PARD3B: variants seen among roughly 807,000 people sequenced by gnomAD.
PARD3B encodes the protein partitioning defective 3 homolog B.
Under a neutral mutation model 130.2 loss-of-function variants are expected in PARD3B, and 103 were observed. That is an observed-to-expected ratio of 0.79 (90% CI 0.67 to 0.93). PARD3B has a LOEUF of 0.93. Ranked by LOEUF, PARD3B falls within the 40% of genes least tolerant of loss-of-function variation. PARD3B has a pLI of 0.00. For missense variants in PARD3B, 1,609 were observed against 1,499.2 expected, an observed-to-expected ratio of 1.07 and a Z score of -1.21; for synonymous variants, 583 against 553.2, an observed-to-expected ratio of 1.05 and a Z score of -0.76.
At chr2:205,246,025 G>C in intron 16 of PARD3B, among the ~76,000 whole-genome samples, 1 of 151,874 alleles carries the variant, frequency 6.6e-6, no homozygotes, top group African/African-American at 2.4e-5. Context: ...AGAATGTTTG[G>C]GAGGAAAGAA....
intron 3 of PARD3B, among the ~76,000 whole-genome samples, chr2:204,997,338 A>G (rs778804073): frequency 3.3e-5 from 5 of 152,192 alleles, no homozygotes; most frequent in Non-Finnish European, 7.3e-5. Flanking sequence ...TTTGGAGAGA[A>G]TTGGCATTCT....
chr2:205,139,976 A>T (rs1559477884), intron 10 of PARD3B, among the ~76,000 whole-genome samples: 1 of 152,242 alleles, frequency 6.6e-6, no homozygotes, highest in Non-Finnish European at 1.5e-5. Flanking sequence ...TACTGATCGC[A>T]TGTGAATGTC....
At chr2:204,547,714 T>C (rs1177332847) in intron 1 of PARD3B, among the ~76,000 whole-genome samples, 1 of 152,216 alleles carries the variant, frequency 6.6e-6, no homozygotes, top group African/African-American at 2.4e-5. Context: ...TATTAAATAA[T>C]TTATGCCCTC....
At chr2:205,522,673 A>G (rs2051131277) in intron 21 of PARD3B, among the ~76,000 whole-genome samples, 1 of 152,170 alleles carries the variant, frequency 6.6e-6, no homozygotes, top group Non-Finnish European at 1.5e-5. Context: ...CTGGCACACT[A>G]GTAGATGATA....
chr2:205,393,837 T>C (rs2045937281), intron 18 of PARD3B, among the ~76,000 whole-genome samples: 1 of 152,122 alleles, frequency 6.6e-6, no homozygotes, highest in African/African-American at 2.4e-5. Context: ...ATATTGTAAA[T>C]TTGAATCATT....
chr2:205,319,000 G>A (rs1387606693), intron 18 of PARD3B, among the ~76,000 whole-genome samples: 2 of 151,994 alleles, frequency 1.3e-5, no homozygotes, highest in African/African-American at 4.8e-5. Flanking sequence ...CAGTACCTCC[G>A]CCTTTGCCAC....
intron 15 of PARD3B, among the ~76,000 whole-genome samples, chr2:205,237,186 G>A (rs543023020): frequency 1.9e-4 from 29 of 152,160 alleles, no homozygotes; most frequent in African/African-American, 6.7e-4. Context: ...TGCAACCTCC[G>A]CCTCCCAGGT....
At chr2:204,977,680 C>T (rs187349722) in intron 3 of PARD3B, among the ~76,000 whole-genome samples, 3 of 152,000 alleles carry the variant, frequency 2.0e-5, no homozygotes, top group East Asian at 1.9e-4. Context: ...GGCATGGTGG[C>T]GGGCGCCTGT....
chr2:205,066,172 A>G (rs954188492), intron 4 of PARD3B, among the ~76,000 whole-genome samples: 1 of 152,174 alleles, frequency 6.6e-6, no homozygotes, highest in Non-Finnish European at 1.5e-5. Context: ...GACCCTGTGC[A>G]TATTTTCTGC....
At chr2:204,955,670 AT>A (rs1690176823) in intron 2 of PARD3B, among the ~76,000 whole-genome samples, 1 of 152,184 alleles carries the variant, frequency 6.6e-6, no homozygotes, top group South Asian at 2.1e-4. Context: ...ATAACAGTGG[AT>A]TTATCATAGG....
At chr2:204,983,268 T>G (rs1395139562) in intron 3 of PARD3B, among the ~76,000 whole-genome samples, 1 of 152,180 alleles carries the variant, frequency 6.6e-6, no homozygotes, top group African/African-American at 2.4e-5. Flanking sequence ...ATTGGTGTTA[T>G]TAAGCCTTGA....
chr2:204,842,545 C>G (rs1016292378), intron 2 of PARD3B, among the ~76,000 whole-genome samples: 1 of 151,966 alleles, frequency 6.6e-6, no homozygotes, highest in Non-Finnish European at 1.5e-5. Context: ...GGGAGATTCT[C>G]TCTAATAAAT....
At chr2:205,299,913 G>A (rs7585950) in intron 16 of PARD3B, among the ~76,000 whole-genome samples, 2 of 152,238 alleles carry the variant, frequency 1.3e-5, no homozygotes, top group East Asian at 3.9e-4. Flanking sequence ...TTAAATAAAT[G>A]GCAGTTACCA....
At chr2:204,996,485 G>C (rs1694190663) in intron 3 of PARD3B, among the ~76,000 whole-genome samples, 1 of 152,178 alleles carries the variant, frequency 6.6e-6, no homozygotes, top group African/African-American at 2.4e-5. Flanking sequence ...TCTCTTCAAA[G>C]CTGTCAGACA....
intron 16 of PARD3B, among the ~76,000 whole-genome samples, chr2:205,264,865 T>G (rs1559602116): frequency 6.6e-6 from 1 of 151,190 alleles, no homozygotes; most frequent in Non-Finnish European, 1.5e-5. Context: ...AAATACTTTT[T>G]TTTACACACA....
At chr2:205,451,364 G>C (rs1411087067) in intron 20 of PARD3B, among the ~76,000 whole-genome samples, 3 of 152,264 alleles carry the variant, frequency 2.0e-5, no homozygotes, top group South Asian at 2.1e-4. Flanking sequence ...TGGCAAAAAG[G>C]TGTTGAAAAT....
At chr2:204,643,136 A>AAAAAAAAAAAAAAAAAAAC (rs1559202402) in intron 1 of PARD3B, among the ~76,000 whole-genome samples, 1 of 145,200 alleles carries the variant, frequency 6.9e-6, no homozygotes, top group Non-Finnish European at 1.5e-5. Context: ...AAAAAAAAAA[A>AAAAAAAAAAAAAAAAAAAC]TGTTTGGCAC....
intron 18 of PARD3B, among the ~76,000 whole-genome samples, chr2:205,310,719 C>CTTT (rs34032930): frequency 0.013 from 1,111 of 82,462 alleles, 12 homozygotes; most frequent in Non-Finnish European, 0.015. Context: ...TTCTTTCTTT[C>CTTT]TTTTTTTTTT....
chr2:205,141,258 C>A (rs971561229), intron 10 of PARD3B, among the ~76,000 whole-genome samples: 1 of 151,944 alleles, frequency 6.6e-6, no homozygotes, highest in African/African-American at 2.4e-5. Context: ...CAAACTGCTT[C>A]CCAATTCCGT....
Sources: gnomAD v4.1 joint callset for allele counts (sites outside exome capture counted in the v4.1 genomes callset) on GRCh38, gnomAD v4.1.1 for gene constraint, MANE v1.5 for transcripts, NCBI Gene and HGNC (gene_info 2026-07-23, HGNC 2026-07-21) for gene names.